TRHDE: variants seen among roughly 807,000 people sequenced by gnomAD.
TRHDE encodes thyrotropin releasing hormone degrading enzyme, also known as thyrotropin-releasing hormone-degrading ectoenzyme.
TRHDE carries 72 observed loss-of-function variants against 125.7 expected under a neutral mutation model. That is an observed-to-expected ratio of 0.57 (90% CI 0.47 to 0.70). The LOEUF is 0.70. Among genes scored for constraint, TRHDE ranks in the 30% least tolerant of loss-of-function variants. TRHDE has a pLI of 0.00. For synonymous variants in TRHDE, 509 were observed against 509.1 expected (o/e 1.00, Z 0.00); for missense variants, 1,110 against 1,327.1 (o/e 0.84, Z 2.54).
At chr12:72,187,783 A>T (rs978965549) in intron 2 of TRHDE, among the ~76,000 whole-genome samples, 2 of 152,222 alleles carry the variant, frequency 1.3e-5, no homozygotes, top group African/African-American at 4.8e-5. Context: ...ATTAAACATC[A>T]CATCCAACTT....
At chr12:72,597,762 T>TATATATATATATATAC (rs1555200904) in intron 12 of TRHDE, among the ~76,000 whole-genome samples, 1 of 80,678 alleles carries the variant, frequency 1.2e-5, no homozygotes, top group Non-Finnish European at 2.4e-5. Flanking sequence ...TATATATGCA[T>TATATATATATATATAC]ACACACACAA....
intron 15 of TRHDE, among the ~76,000 whole-genome samples, chr12:72,644,456 C>T (rs1874196181): frequency 6.6e-6 from 1 of 151,890 alleles, no homozygotes; most frequent in South Asian, 2.1e-4. Context: ...TTTTTTTTTC[C>T]CCTTGGTCAG....
At chr12:72,165,975 G>A (rs1209714820) in intron 2 of TRHDE, among the ~76,000 whole-genome samples, 2 of 152,008 alleles carry the variant, frequency 1.3e-5, no homozygotes, top group South Asian at 2.1e-4. Flanking sequence ...GCCCCCGGCC[G>A]AGAAATGCAT....
At chr12:72,589,367 TG>T (rs1186521089) in intron 12 of TRHDE, among the ~76,000 whole-genome samples, 2 of 152,200 alleles carry the variant, frequency 1.3e-5, no homozygotes, top group Non-Finnish European at 2.9e-5. Flanking sequence ...CTTTAAGTTC[TG>T]GGATACATGT....
At chr12:72,228,439 T>C (rs1878180875) in intron 2 of TRHDE, among the ~76,000 whole-genome samples, 1 of 152,170 alleles carries the variant, frequency 6.6e-6, no homozygotes, top group Non-Finnish European at 1.5e-5. Flanking sequence ...GCACAAAGCA[T>C]GAAGGCCCTG....
intron 15 of TRHDE, among the ~76,000 whole-genome samples, chr12:72,623,191 T>C (rs564080776): frequency 3.9e-5 from 6 of 152,188 alleles, no homozygotes; most frequent in Non-Finnish European, 7.4e-5. Context: ...CCATATCATA[T>C]ATACATATAA....
In TRHDE at chr12:72,261,883, G is replaced by A. The variant is rs371947373; in HGVS notation, n.280-116112G>A. ...TTTACAAAACAATTTCAGTTCATTT[G>A]GAACTGGCTCTGTGTCTCTTCAATT... On this transcript the variant is annotated intron_variant and non_coding_transcript_variant, in intron 2 of 4. Coordinates refer to the TRHDE transcript ENST00000548156. Among the ~76,000 whole-genome samples, 15 of 152,058 alleles carry A rather than the reference G, an allele frequency of 9.9e-5. No individual in the cohort carries two copies. In the South Asian group the frequency reaches 1.5e-3, roughly 15 times the overall value.
intron 2 of TRHDE, among the ~76,000 whole-genome samples, chr12:72,266,307 AT>A (rs1879067996): frequency 6.6e-6 from 1 of 151,924 alleles, no homozygotes. Flanking sequence ...CATTCAAATT[AT>A]GTAAATTTGC....
chr12:72,100,680 C>A (rs1306283494), intron 1 of TRHDE, among the ~76,000 whole-genome samples: 1 of 152,144 alleles, frequency 6.6e-6, no homozygotes, highest in Non-Finnish European at 1.5e-5. Flanking sequence ...AAGAATAGGA[C>A]CCTTGAAATG....
chr12:72,388,324 C>T (rs1467667090), intron 3 of TRHDE, among the ~76,000 whole-genome samples: 3 of 152,118 alleles, frequency 2.0e-5, no homozygotes, highest in Non-Finnish European at 4.4e-5. Context: ...TCTTACTTAA[C>T]TTGTGTTTTG....
At chr12:72,183,913 A>T (rs561199064) in intron 2 of TRHDE, among the ~76,000 whole-genome samples, 1 of 152,368 alleles carries the variant, frequency 6.6e-6, no homozygotes, top group Admixed American at 6.5e-5. Context: ...GTGATGTTAT[A>T]GTAGATGGTA....
At chr12:72,328,774 T>C (rs1402863156) in intron 2 of TRHDE, among the ~76,000 whole-genome samples, 11 of 152,206 alleles carry the variant, frequency 7.2e-5, no homozygotes, top group African/African-American at 2.2e-4. Flanking sequence ...TATCTTGTCA[T>C]ACTATTAGTT....
chr12:72,329,889 A>G (rs572813688), intron 2 of TRHDE, among the ~76,000 whole-genome samples: 7 of 152,296 alleles, frequency 4.6e-5, no homozygotes, highest in African/African-American at 1.7e-4. Context: ...GAACACTGAT[A>G]TGGCAGGAGC....
At chr12:72,614,525 T>A (rs945147638) in intron 12 of TRHDE, among the ~76,000 whole-genome samples, 2 of 151,926 alleles carry the variant, frequency 1.3e-5, no homozygotes, top group African/African-American at 4.8e-5. Context: ...ATAAACTTTT[T>A]AATTAAGCAT....
chr12:72,476,857 ATG>A (rs1217583069), intron 5 of TRHDE, among the ~76,000 whole-genome samples: 4 of 152,268 alleles, frequency 2.6e-5, no homozygotes, highest in African/African-American at 9.6e-5. Flanking sequence ...GGTTGTATGT[ATG>A]TGTGTTTTCA....
chr12:72,219,885 C>T (rs1449275088), intron 2 of TRHDE, among the ~76,000 whole-genome samples: 1 of 152,098 alleles, frequency 6.6e-6, no homozygotes, highest in Admixed American at 6.6e-5. Flanking sequence ...CAATTGTAAA[C>T]ATTCAATTAA....
intron 2 of TRHDE, among the ~76,000 whole-genome samples, chr12:72,169,121 T>C (rs1022705438): frequency 6.6e-6 from 1 of 152,100 alleles, no homozygotes; most frequent in Non-Finnish European, 1.5e-5. Flanking sequence ...AGTTCTCAAG[T>C]TATGTCAATG....
intron 3 of TRHDE, among the ~76,000 whole-genome samples, chr12:72,385,415 C>G (rs980517010): frequency 6.6e-6 from 1 of 151,894 alleles, no homozygotes; most frequent in Non-Finnish European, 1.5e-5. Flanking sequence ...AGGGGCTAAC[C>G]TTTTCCGCCA....
chr12:72,411,184 C>T (rs1485303973), intron 3 of TRHDE, among the ~76,000 whole-genome samples: 2 of 130,342 alleles, frequency 1.5e-5, no homozygotes, highest in Non-Finnish European at 3.1e-5. Context: ...GCCTAGGCGA[C>T]AGAGCGAGAC....
Sources: gnomAD v4.1 joint callset for allele counts (sites outside exome capture counted in the v4.1 genomes callset) on GRCh38, gnomAD v4.1.1 for gene constraint, MANE v1.5 for transcripts, NCBI Gene and HGNC (gene_info 2026-07-23, HGNC 2026-07-21) for gene names.